HM13: variants seen among roughly 807,000 people sequenced by gnomAD.
HM13 encodes the protein signal peptide peptidase.
Under a neutral mutation model 50.0 loss-of-function variants are expected in HM13, and 18 were observed. The ratio of observed to expected loss-of-function variants is 0.36; its 90% CI spans 0.25 to 0.53. The LOEUF (loss-of-function observed/expected upper bound fraction) is 0.53. HM13 is among the 20% of genes least tolerant of loss of function. The pLI is 0.90. For missense variants in HM13, 393 were observed against 552.4 expected (o/e 0.71, Z 2.89); for synonymous variants, 197 against 232.6 (o/e 0.85, Z 1.39).
At chr20:31,525,387 T>C (rs1982425734) in intron 1 of HM13, among the ~76,000 whole-genome samples, 1 of 152,178 alleles carries the variant, frequency 6.6e-6, no homozygotes, top group South Asian at 2.1e-4. Context: ...TTATTGTTGG[T>C]TTTTGTCAGC....
rs369851700 is a variant in HM13 at position 31,549,196 on chromosome 20, G to A, written c.541-11G>A. Reference sequence around the variant, plus strand: ...TCACAGCAAGCTGGTCTCACTCCCCGCTTTCCTCAGCACTGGATTGCCAAC... The same window carrying A: ...TCACAGCAAGCTGGTCTCACTCCCCACTTTCCTCAGCACTGGATTGCCAAC... On this transcript the variant is annotated splice_polypyrimidine_tract_variant and intron_variant, in intron 5 of 12. Transcript: ENST00000398174. 2.9e-5 allele frequency: 47 copies of A among 1,614,068 alleles called. No individual in the cohort carries two copies. The highest frequency in any genetic ancestry group is 1.6e-4 in the Middle Eastern group (1 of 6,084).
In HM13 at chr20:31,514,461, G is replaced by A. The variant is rs1441842333; in HGVS notation, c.-91G>A. On this transcript the variant is annotated 5_prime_UTR_variant, in exon 1 of 13. Transcript: ENST00000398174. The surrounding 1 kb of genome is among the most constrained non-coding windows in gnomAD (Gnocchi z 4.3). The stretch of plus-strand genomic sequence containing the variant: ...CACGTCACTTCCTGTTGCCTTAGGG[G>A]AACGTGGCTTTCCCTGCAGAGCCGG... 3 of 1,414,212 alleles carry A rather than the reference G, an allele frequency of 2.1e-6. No individual in the cohort carries two copies. Among genetic ancestry groups the A allele is most frequent in the East Asian group, 2.5e-5 (1 of 39,964 alleles). The allele number at this position is 1,414,212 out of a possible 1,614,324, so 87.6% of individuals were successfully genotyped here.
chr20:31,515,841 G>A (rs571955487), intron 1 of HM13, among the ~76,000 whole-genome samples: 2 of 151,928 alleles, frequency 1.3e-5, no homozygotes, highest in African/African-American at 2.4e-5. Flanking sequence ...GCACCTTCCC[G>A]ATGCTCCTCC....
intron 3 of HM13, chr20:31,540,436 G>A (rs1047878272): frequency 1.3e-5 from 2 of 152,170 alleles, no homozygotes; most frequent in Non-Finnish European, 2.9e-5. Flanking sequence ...AGACGCTTGA[G>A]ACCCCCAAGT....
In HM13 at chr20:31,566,151, C is replaced by T. The variant is rs572574304; in HGVS notation, c.949-59C>T. On this transcript the variant is annotated intron_variant, in intron 10 of 12. Coordinates refer to ENST00000398174, the MANE Select transcript of HM13 (RefSeq NM_178581.3). ...CCCAGAAGGGGTTTGGGGTGCTGGG[C>T]ACGGCCCTGAGGCAGTGCCGTGCCC... The T allele has an allele frequency of 4.6e-6, 6 of 1,317,866 alleles. No homozygotes were observed. In the East Asian group the frequency reaches 1.4e-4, roughly 30 times the overall value. 81.6% of individuals were successfully genotyped at this position (1,317,866 alleles called of 1,614,324 possible).
At chr20:31,567,465 C>T (rs1984989765) in intron 11 of HM13, among the ~76,000 whole-genome samples, 1 of 152,114 alleles carries the variant, frequency 6.6e-6, no homozygotes, top group Non-Finnish European at 1.5e-5. Context: ...TTGCCCTCCA[C>T]TCCCACCCTG....
In HM13 at chr20:31,566,212, T is replaced by G; in HGVS notation, c.951T>G (p.Pro317=). 1 of 1,613,558 alleles carries G rather than the reference T, an allele frequency of 6.2e-7. No homozygotes were observed. The highest frequency in any genetic ancestry group is 8.5e-7 in the Non-Finnish European group (1 of 1,179,644). ...CACCAGCCTGTGTCCTCTCATAGCC[T>G]GCCCTCCTATACCTGGTCCCCGCCT... The part of the protein sequence containing the change: ...FIMHIFKHAQ[P]ALLYLVPACI... Residue 317 remains proline (P), a splice_region_variant and synonymous_variant, in exon 11 of 13, where the codon CCT becomes CCG. Coordinates refer to ENST00000398174, the MANE Select transcript of HM13 (RefSeq NM_178581.3).
At chr20:31,556,906 C>CG (rs1984339438) in intron 8 of HM13, among the ~76,000 whole-genome samples, 1 of 151,728 alleles carries the variant, frequency 6.6e-6, no homozygotes, top group Non-Finnish European at 1.5e-5. Flanking sequence ...GTAGTCCCAG[C>CG]TACTCGGGAG....
At chr20:31,566,349 A>C (rs1300403850) in intron 11 of HM13, 54 bp downstream of exon 11, 1 of 1,423,726 alleles carries the variant, frequency 7.0e-7, no homozygotes, top group Non-Finnish European at 9.9e-7. Context: ...GCCTGCTGGC[A>C]GTCAGTGGAA....
intron 4 of HM13, chr20:31,548,607 T>C (rs373719418): frequency 1.2e-4 from 30 of 243,890 alleles, no homozygotes; most frequent in African/African-American, 6.2e-4. Context: ...GCTGAATGCA[T>C]TGTAAGGACT....
chr20:31,539,513 T>C (rs1319707150), intron 3 of HM13: 4 of 985,370 alleles, frequency 4.1e-6, no homozygotes, highest in Non-Finnish European at 4.8e-6. Context: ...AAAGCCAATA[T>C]GAGGCCAGGT....
intron 3 of HM13, chr20:31,539,187 A>G: frequency 3.0e-6 from 3 of 985,466 alleles, no homozygotes; most frequent in Non-Finnish European, 3.6e-6. Flanking sequence ...CTGCAGGACT[A>G]TCCCATGTAT....
chr20:31,514,869 T>G lies in HM13; in HGVS notation c.183+135T>G. The G allele has an allele frequency of 5.4e-6, 5 of 930,488 alleles. No homozygotes were observed. The highest frequency in any genetic ancestry group is 6.1e-6 in the Non-Finnish European group (4 of 658,090). 57.6% of individuals were successfully genotyped at this position (930,488 alleles called of 1,614,324 possible). A position where few individuals can be genotyped will look rare whatever the true frequency, so the allele number is the denominator to read the frequency against. On this transcript the variant is annotated intron_variant, in intron 1 of 12. Transcript: ENST00000398174. This position sits in a 1 kb window ranked among gnomAD's most constrained non-coding sequence, Gnocchi z 4.3. ...GCCCTGATCACCACCGTTCCCTCTGTCTCGGGCCCACATTCCGGGGCTGGC... is the reference window on the plus strand; with the variant it reads ...GCCCTGATCACCACCGTTCCCTCTGGCTCGGGCCCACATTCCGGGGCTGGC...
chr20:31,514,751 A>G lies in HM13; in HGVS notation c.183+17A>G. On this transcript the variant is annotated intron_variant, in intron 1 of 12. Coordinates refer to ENST00000398174, the MANE Select transcript of HM13 (RefSeq NM_178581.3). This position sits in a 1 kb window ranked among gnomAD's most constrained non-coding sequence, Gnocchi z 4.3. ...CGCGGCAAGGTAGGGTCAGCGGGAAAACCGGGCACTTTCCACCCCCATACC... is the reference window on the plus strand; with the variant it reads ...CGCGGCAAGGTAGGGTCAGCGGGAAGACCGGGCACTTTCCACCCCCATACC... 6.6e-7 allele frequency: 1 copy of G among 1,509,892 alleles called. No individual in the cohort carries two copies. The highest frequency in any genetic ancestry group is 8.8e-7 in the Non-Finnish European group (1 of 1,130,440). 93.5% of individuals were successfully genotyped at this position (1,509,892 alleles called of 1,614,324 possible).
chr20:31,557,645 A>C (rs1984387326), intron 8 of HM13, among the ~76,000 whole-genome samples: 1 of 151,718 alleles, frequency 6.6e-6, no homozygotes, highest in Non-Finnish European at 1.5e-5. Context: ...TTCATTGAGA[A>C]CTAATTCATT....
intron 8 of HM13, 105 bp downstream of exon 8, chr20:31,554,934 A>C: frequency 1.0e-6 from 1 of 1,000,048 alleles, no homozygotes; most frequent in Non-Finnish European, 1.6e-6. Flanking sequence ...AGAAAGAGAA[A>C]AGGTAAGGCT....
In HM13 at chr20:31,557,092, G is replaced by A. The variant is rs73233673; in HGVS notation, c.808+2263G>A. On this transcript the variant is annotated intron_variant, in intron 8 of 12. Transcript: ENST00000398174. ...TTTACTTCTCCCAGCAGTCCAGTGA[G>A]ATAGAGGGCATTTCCATTTTACAGA... Among the ~76,000 whole-genome samples the A allele has an allele frequency of 9.3e-3, 1,409 of 152,158 alleles. 18 individuals carry two copies. The highest frequency in any genetic ancestry group is 0.032 in the African/African-American group (1,337 of 41,500).
rs1373302091 is a variant in HM13, at chr20:31,538,392, CTT to C, written c.365+133_365+134del. The C allele has an allele frequency of 1.0e-5, 16 of 1,552,198 alleles. No individual in the cohort carries two copies. In the Admixed American group the frequency reaches 2.3e-4, roughly 22 times the overall value. ...TCCTGGCTATAAAACTCAAGGGACT[CTT>C]TCCCCTGCACACTGTAGATGACTAG... On this transcript the variant is annotated intron_variant, in intron 3 of 12. Coordinates refer to ENST00000398174, the MANE Select transcript of HM13 (RefSeq NM_178581.3).
chr20:31,538,283 A>G (rs1174465871), intron 3 of HM13, 22 bp downstream of exon 3: 1 of 1,614,106 alleles, frequency 6.2e-7, no homozygotes, highest in Non-Finnish European at 8.5e-7. Flanking sequence ...TCTCTCTGCA[A>G]CATTTGAAGC....
Sources: allele counts gnomAD v4.1 joint callset (sites outside exome capture counted in the v4.1 genomes callset), GRCh38; gene constraint gnomAD v4.1.1; non-coding constraint Gnocchi (gnomAD v3.1); transcripts MANE v1.5; gene names NCBI Gene and HGNC (gene_info 2026-07-23, HGNC 2026-07-21).